Variants in GRIA3 observed in about 807,000 individuals in gnomAD.
GRIA3 encodes glutamate receptor 3.
Under a neutral mutation model 63.0 loss-of-function variants are expected in GRIA3, and 3 were observed. That is an observed-to-expected ratio of 0.05 (90% CI 0.02 to 0.12). The LOEUF is 0.12. Ranked by LOEUF, GRIA3 falls within the 10% of genes least tolerant of loss-of-function variation. The probability of loss-of-function intolerance (pLI) is 1.00; values close to 1 mark genes in which losing one functional copy is unlikely to be tolerated. For missense variants in GRIA3, 347 were observed against 700.9 expected (o/e 0.50, Z 5.70); for synonymous variants, 274 against 257.9 (o/e 1.06, Z -0.60).
intron 5 of GRIA3, among the ~76,000 whole-genome samples, chrX:123,391,173 G>T (rs1484369108): frequency 1.8e-5 from 2 of 111,425 alleles, no homozygotes; most frequent in Non-Finnish European, 3.8e-5. Context: ...TATTGCTGGA[G>T]AAGTATTGTG....
At chrX:123,312,149 T>A (rs1334027403) in intron 3 of GRIA3, among the ~76,000 whole-genome samples, 1 of 111,612 alleles carries the variant, frequency 9.0e-6, no homozygotes, top group Non-Finnish European at 1.9e-5. Context: ...GGGAAAATAG[T>A]TCAATTTAAA....
chrX:123,309,498 T>C (rs1198018088), intron 3 of GRIA3, among the ~76,000 whole-genome samples: 1 of 112,478 alleles, frequency 8.9e-6, no homozygotes, highest in African/African-American at 3.2e-5. Context: ...TAATAGCTAA[T>C]AAACTTCAAA....
Position 123,184,476 on chromosome X carries a change from A to C in GRIA3, c.-60A>C. The C allele has an allele frequency of 2.3e-6, 2 of 865,950 alleles. No individual in the cohort carries two copies. Among genetic ancestry groups the C allele is most frequent in the Non-Finnish European group, 3.4e-6 (2 of 580,854 alleles). 71.4% of individuals were successfully genotyped at this position (865,950 alleles called of 1,213,427 possible). ...AGCGAATTCTTTTTCTTTTTCTATT[A>C]TTATTTTGACGACTCCTGAGTTGCG... On this transcript the variant is annotated 5_prime_UTR_variant, in exon 1 of 16. Coordinates refer to ENST00000620443, the MANE Select transcript of GRIA3 (RefSeq NM_007325.5).
chrX:123,410,313 A>G (rs1004285313), intron 10 of GRIA3, among the ~76,000 whole-genome samples: 1 of 111,793 alleles, frequency 8.9e-6, no homozygotes, highest in Non-Finnish European at 1.9e-5. Flanking sequence ...AGCAGTTACA[A>G]CTAAGGATAA....
chrX:123,396,267 C>T (rs1287475199), intron 6 of GRIA3, among the ~76,000 whole-genome samples: 1 of 107,591 alleles, frequency 9.3e-6, no homozygotes, highest in African/African-American at 3.4e-5. Context: ...GCAACACAGA[C>T]CAGAAAAAAG....
At chrX:123,228,785 C>A (rs905243083) in intron 2 of GRIA3, among the ~76,000 whole-genome samples, 5 of 111,345 alleles carry the variant, frequency 4.5e-5, no homozygotes, top group Non-Finnish European at 9.5e-5. Context: ...GGCAGTTGTC[C>A]TAGTAGGGTT....
intron 3 of GRIA3, among the ~76,000 whole-genome samples, chrX:123,297,613 G>A (rs991123580): frequency 4.5e-5 from 5 of 111,813 alleles, no homozygotes; most frequent in African/African-American, 1.3e-4. Flanking sequence ...ACATTAATTC[G>A]ATGAGTTAGG....
At chrX:123,289,334 A>G (rs1000168813) in intron 3 of GRIA3, among the ~76,000 whole-genome samples, 82 of 109,999 alleles carry the variant, frequency 7.5e-4, no homozygotes, top group Middle Eastern at 4.7e-3. Context: ...TGAGTTGATG[A>G]GTGCAGCAAA....
At position 123,490,749 on chromosome X, in the gene GRIA3, T is replaced by C. The variant is rs190744692; in HGVS notation, c.*2039T>C. The C allele has an allele frequency of 1.8e-5, 2 of 112,624 alleles. No homozygotes were observed. The highest frequency in any genetic ancestry group is 2.8e-4 in the East Asian group (1 of 3,601). 9.3% of individuals were successfully genotyped at this position (112,624 alleles called of 1,213,427 possible). A position where few individuals can be genotyped will look rare whatever the true frequency, so the allele number is the denominator to read the frequency against. On this transcript the variant is annotated 3_prime_UTR_variant, in exon 16 of 16. Coordinates refer to ENST00000620443, the MANE Select transcript of GRIA3 (RefSeq NM_007325.5). ...TTGAGGATTTTTTTTCCAATTCTTT[T>C]CTTTTTGTTGTTAAAGCTGTACTTC...
intron 2 of GRIA3, among the ~76,000 whole-genome samples, chrX:123,187,881 A>G (rs1272311488): frequency 9.0e-6 from 1 of 111,551 alleles, no homozygotes; most frequent in Non-Finnish European, 1.9e-5. Context: ...TAAGTCATCC[A>G]TATTGGTATT....
intron 2 of GRIA3, among the ~76,000 whole-genome samples, chrX:123,220,950 T>C (rs1235026002): frequency 1.8e-5 from 2 of 112,514 alleles, no homozygotes; most frequent in African/African-American, 6.5e-5. Context: ...TACACACTCA[T>C]AGTTTTGTTG....
intron 3 of GRIA3, among the ~76,000 whole-genome samples, chrX:123,264,365 G>A (rs112884742): frequency 0.026 from 2,873 of 111,591 alleles, 80 homozygotes; most frequent in African/African-American, 0.087. Flanking sequence ...AGGGAAAAGC[G>A]TTCAGCATAA....
chrX:123,358,654 A>T (rs1052346534), intron 5 of GRIA3: 1 of 112,042 alleles, frequency 8.9e-6, no homozygotes, highest in African/African-American at 3.2e-5. Context: ...TCAGTTGATG[A>T]TGTCATTTTT....
chrX:123,335,172 C>T (rs1015173333), intron 4 of GRIA3, among the ~76,000 whole-genome samples: 10 of 110,942 alleles, frequency 9.0e-5, no homozygotes, highest in African/African-American at 3.3e-4. Context: ...CATCAGTGAG[C>T]TTTGCTGAGA....
chrX:123,461,275 A>G (rs1044650490), intron 12 of GRIA3, among the ~76,000 whole-genome samples: 1 of 112,087 alleles, frequency 8.9e-6, no homozygotes, highest in East Asian at 2.8e-4. Flanking sequence ...TTTGTCCTCA[A>G]GAAACACTCA....
chrX:123,460,925 C>T (rs974921313), intron 12 of GRIA3, among the ~76,000 whole-genome samples: 5 of 111,025 alleles, frequency 4.5e-5, no homozygotes, highest in African/African-American at 1.6e-4. Flanking sequence ...TCTTAGAAGG[C>T]CTTGATTGTT....
intron 8 of GRIA3, 76 bp downstream of exon 8, chrX:123,403,174 T>C (rs1430988136): frequency 2.2e-5 from 14 of 646,976 alleles, no homozygotes; most frequent in Non-Finnish European, 3.6e-5. Context: ...AAAATAAGTA[T>C]TATTATTTTA....
At chrX:123,377,091 T>G (rs772791601) in intron 5 of GRIA3, among the ~76,000 whole-genome samples, 1 of 109,698 alleles carries the variant, frequency 9.1e-6, no homozygotes. Context: ...CCCGCCACCA[T>G]GCCCGGCTAA....
At chrX:123,362,341 A>C (rs541672429) in intron 5 of GRIA3, among the ~76,000 whole-genome samples, 2 of 111,851 alleles carry the variant, frequency 1.8e-5, no homozygotes, top group Non-Finnish European at 3.8e-5. Context: ...GGAAGTCTGC[A>C]TAGTGTAGCC....
Sources: gnomAD v4.1 joint callset for allele counts (sites outside exome capture counted in the v4.1 genomes callset) on GRCh38, gnomAD v4.1.1 for gene constraint, MANE v1.5 for transcripts, NCBI Gene and HGNC (gene_info 2026-07-23, HGNC 2026-07-21) for gene names.